ERC1: variants seen among roughly 807,000 people sequenced by gnomAD.
ERC1 encodes RAB6 interacting protein 2.
Under a neutral mutation model 132.0 loss-of-function variants are expected in ERC1, and 56 were observed. The observed-to-expected ratio is 0.42, with a 90% CI of 0.34 to 0.53. The LOEUF is 0.53. ERC1 is among the 20% of genes least tolerant of loss of function. ERC1 has a pLI of 0.03. For missense variants in ERC1, 1,202 were observed against 1,349.9 expected (o/e 0.89, Z 1.72); for synonymous variants, 478 against 476.1 (o/e 1.00, Z -0.05).
At chr12:1,199,718 C>T (rs1250302388) in intron 12 of ERC1, among the ~76,000 whole-genome samples, 1 of 151,338 alleles carries the variant, frequency 6.6e-6, no homozygotes, top group Non-Finnish European at 1.5e-5. Context: ...GCAGAGGTTG[C>T]AGTGAGCTGA....
At chr12:1,283,849 A>G (rs2078857706) in intron 14 of ERC1, among the ~76,000 whole-genome samples, 1 of 152,220 alleles carries the variant, frequency 6.6e-6, no homozygotes, top group Non-Finnish European at 1.5e-5. Flanking sequence ...ACAATGTGTA[A>G]TGATCAAATC....
intron 3 of ERC1, among the ~76,000 whole-genome samples, chr12:1,084,789 T>G (rs199730670): frequency 6.6e-6 from 1 of 152,084 alleles, no homozygotes; most frequent in East Asian, 1.9e-4. Context: ...AATCCTGGGC[T>G]TAGGTGAGCC....
intron 18 of ERC1, among the ~76,000 whole-genome samples, chr12:1,455,632 T>G (rs1018668711): frequency 1.3e-5 from 2 of 152,230 alleles, no homozygotes; most frequent in African/African-American, 4.8e-5. Flanking sequence ...TTAGCTCACG[T>G]AGAACTAACA....
At chr12:1,216,332 T>C (rs1594289071) in intron 12 of ERC1, among the ~76,000 whole-genome samples, 4 of 152,248 alleles carry the variant, frequency 2.6e-5, no homozygotes, top group South Asian at 2.1e-4. Flanking sequence ...GAAAAAGGTG[T>C]TACTATCATT....
Position 1,162,816 on chromosome 12 carries a change from G to A in ERC1, c.1738-17724G>A, listed in dbSNP as rs112448711. 1.2e-3 allele frequency among the ~76,000 whole-genome samples: 188 copies of A among 152,232 alleles called. 1 individual carries two copies. The highest frequency in any genetic ancestry group is 3.9e-3 in the African/African-American group (164 of 41,560). ...TTAACCCAGCTGTGAAGCAAGCTAAGTTTAGAGAAGACTGTGTCAGGCCTA... is the reference window on the plus strand; with the variant it reads ...TTAACCCAGCTGTGAAGCAAGCTAAATTTAGAGAAGACTGTGTCAGGCCTA... On this transcript the variant is annotated intron_variant, in intron 8 of 18. Coordinates refer to ENST00000360905, the MANE Select transcript of ERC1 (RefSeq NM_178040.4).
At chr12:1,180,231 T>A (rs1030289203) in intron 8 of ERC1, among the ~76,000 whole-genome samples, 1 of 151,740 alleles carries the variant, frequency 6.6e-6, no homozygotes, top group Non-Finnish European at 1.5e-5. Context: ...TTCTGCTAGC[T>A]ACTTTTCTTA....
At chr12:1,135,582 A>G (rs539269143) in intron 7 of ERC1, among the ~76,000 whole-genome samples, 14 of 152,348 alleles carry the variant, frequency 9.2e-5, no homozygotes, top group African/African-American at 3.4e-4. Flanking sequence ...GTTTGAGATA[A>G]GATCATGATG....
chr12:1,208,819 G>C (rs964221600), intron 12 of ERC1, among the ~76,000 whole-genome samples: 4 of 152,112 alleles, frequency 2.6e-5, no homozygotes, highest in African/African-American at 7.2e-5. Flanking sequence ...TCTTTCTCTT[G>C]TTACCCAGGC....
chr12:1,417,223 G>T (rs773395541), intron 17 of ERC1, among the ~76,000 whole-genome samples: 9 of 152,012 alleles, frequency 5.9e-5, no homozygotes, highest in Non-Finnish European at 1.2e-4. Context: ...TTTCCAGAGG[G>T]TTCACTCCCT....
chr12:1,079,926 G>T (rs983749650), intron 2 of ERC1, among the ~76,000 whole-genome samples: 2 of 152,188 alleles, frequency 1.3e-5, no homozygotes, highest in Admixed American at 6.5e-5. Flanking sequence ...ATATAGAAAT[G>T]ATTTGTAATA....
chr12:1,188,287 A>G (rs1955335983), intron 11 of ERC1, among the ~76,000 whole-genome samples: 1 of 151,956 alleles, frequency 6.6e-6, no homozygotes, highest in Non-Finnish European at 1.5e-5. Flanking sequence ...CCCTCTCTTT[A>G]TGTGTAATAT....
At chr12:990,974 CGCTCCGCGCCCATCACTCTGTTT>C (rs1959182137), upstream of ERC1, 1 of 144,204 alleles carries the variant, frequency 6.9e-6, no homozygotes, top group Admixed American at 6.9e-5. Flanking sequence ...TGTGCAGGGA[CGCTCCGCGCCCATCACTCTGTTT>C]CGGTGCTAAT....
rs35902573 is a variant in ERC1 at position 1,341,069 on chromosome 12, C to CTTTTTTTTT, written c.2781-30730_2781-30722dup. Among the ~76,000 whole-genome samples the CTTTTTTTTT allele has an allele frequency of 1.9e-3, 120 of 63,118 alleles. 23 individuals carry two copies. The highest frequency in any genetic ancestry group is 0.01 in the East Asian group (14 of 1,368). The allele number at this position is 63,118 out of a possible 152,430, so 41.4% of individuals were successfully genotyped here. ...AATGTCCACTTATTCTTTTCTTTTT[C>CTTTTTTTTT]TTTTTTTTTTTTTTTTTTTTTTTTT... is the stretch of plus-strand genomic sequence containing the variant. On this transcript the variant is annotated intron_variant, in intron 15 of 18. Transcript: ENST00000360905.
chr12:1,341,769 C>A (rs2083923486), intron 15 of ERC1, among the ~76,000 whole-genome samples: 1 of 152,026 alleles, frequency 6.6e-6, no homozygotes, highest in Non-Finnish European at 1.5e-5. Flanking sequence ...GTGTATGAAA[C>A]CTGCCTGTTG....
intron 12 of ERC1, among the ~76,000 whole-genome samples, chr12:1,201,855 A>G (rs1471131204): frequency 6.6e-6 from 1 of 152,220 alleles, no homozygotes; most frequent in African/African-American, 2.4e-5. Context: ...ATGGATATGC[A>G]TCTTCAATCC....
chr12:1,425,571 G>A (rs2092608651), intron 17 of ERC1, among the ~76,000 whole-genome samples: 1 of 152,158 alleles, frequency 6.6e-6, no homozygotes. Flanking sequence ...GTGAACAAAG[G>A]TCTCACGCAG....
intron 2 of ERC1, among the ~76,000 whole-genome samples, chr12:1,056,378 GGT>G (rs1381811319): frequency 1.4e-5 from 2 of 144,834 alleles, no homozygotes; most frequent in African/African-American, 5.8e-5. Context: ...CAAAGAGTGA[GGT>G]TCAGAGTGGA....
At chr12:1,278,668 T>A (rs2078450578) in intron 14 of ERC1, among the ~76,000 whole-genome samples, 1 of 152,202 alleles carries the variant, frequency 6.6e-6, no homozygotes, top group Non-Finnish European at 1.5e-5. Flanking sequence ...TTCTCCACTT[T>A]TAGTAACTCT....
chr12:1,192,336 T>C (rs1007257441), intron 12 of ERC1, among the ~76,000 whole-genome samples: 8 of 152,234 alleles, frequency 5.3e-5, no homozygotes, highest in African/African-American at 1.4e-4. Context: ...CAGTGCATTC[T>C]TTGTCAAAGA....
Sources: allele counts gnomAD v4.1 joint callset (sites outside exome capture counted in the v4.1 genomes callset), GRCh38; gene constraint gnomAD v4.1.1; transcripts MANE v1.5; gene names NCBI Gene and HGNC (gene_info 2026-07-23, HGNC 2026-07-21).